Variants in UBE2N observed in about 807,000 individuals in gnomAD.
The protein encoded by UBE2N is ubiquitin-conjugating enzyme E2 N.
For missense variants in UBE2N, 60 were observed against 192.1 expected, an observed-to-expected ratio of 0.31 and a Z score of 4.07; for synonymous variants, 70 against 69.2, an observed-to-expected ratio of 1.01 and a Z score of -0.06.
Position 93,437,360 on chromosome 12 carries a change from T to TA in UBE2N, c.30+4494dup, listed in dbSNP as rs542940758. ...GGCAACAAAGCAGCAGTCTGTCTCT[T>TA]AAAAAAAAAAAAAAGTCAACTTGAA... On this transcript the variant is annotated intron_variant, in intron 1 of 3. Transcript: ENST00000318066. Among the ~76,000 whole-genome samples the TA allele has an allele frequency of 5.5e-3, 718 of 129,628 alleles. 7 individuals carry two copies. Among genetic ancestry groups the TA allele is most frequent in the African/African-American group, 0.012 (419 of 35,220 alleles). 85.0% of individuals were successfully genotyped at this position (129,628 alleles called of 152,430 possible).
At chr12:93,417,633 T>C (rs1878262366) in intron 1 of UBE2N, among the ~76,000 whole-genome samples, 1 of 152,216 alleles carries the variant, frequency 6.6e-6, no homozygotes, top group Non-Finnish European at 1.5e-5. Flanking sequence ...TAATATCAAC[T>C]GTAGATCTTT....
intron 1 of UBE2N, among the ~76,000 whole-genome samples, chr12:93,439,261 T>C (rs961317404): frequency 2.0e-5 from 3 of 151,938 alleles, no homozygotes; most frequent in Non-Finnish European, 2.9e-5. Context: ...CTGAAATGGG[T>C]GGATTGTGTG....
chr12:93,421,207 T>G (rs55833330), intron 1 of UBE2N, among the ~76,000 whole-genome samples: 20,078 of 106,670 alleles, frequency 0.19, 1,660 homozygotes, highest in Middle Eastern at 0.29. Flanking sequence ...CTTTTTTTTT[T>G]GGGGGGGCTG....
chr12:93,439,515 T>C (rs879450848), intron 1 of UBE2N, among the ~76,000 whole-genome samples: 11 of 151,970 alleles, frequency 7.2e-5, no homozygotes, highest in Non-Finnish European at 1.6e-4. Flanking sequence ...AAGTCAAAGA[T>C]CACCCAGAAA....
intron 1 of UBE2N, among the ~76,000 whole-genome samples, chr12:93,412,321 T>G (rs759539062): frequency 6.6e-6 from 1 of 152,194 alleles, no homozygotes; most frequent in Non-Finnish European, 1.5e-5. Flanking sequence ...GTTAGATACT[T>G]CCATCAGTTC....
chr12:93,418,773 T>G (rs968239407), intron 1 of UBE2N, among the ~76,000 whole-genome samples: 7 of 152,194 alleles, frequency 4.6e-5, no homozygotes, highest in African/African-American at 1.7e-4. Context: ...TTTAATATAT[T>G]TTATCTAAAA....
rs1384651300 is a variant in UBE2N, at chr12:93,407,108, A to G, written c.*2931T>C. ...AGTGATCCTCCTGCCTTGGCCTCCT[A>G]AAGTGCTGGGATTACAGGCATGAGC... On this transcript the variant is annotated 3_prime_UTR_variant, in exon 4 of 4. Coordinates refer to ENST00000318066, the MANE Select transcript of UBE2N (RefSeq NM_003348.4). 6 of 152,358 alleles carry G rather than the reference A, an allele frequency of 3.9e-5. No homozygotes were observed. The highest frequency in any genetic ancestry group is 7.3e-5 in the Non-Finnish European group (5 of 68,186). The allele number at this position is 152,358 out of a possible 1,614,324, so 9.4% of individuals were successfully genotyped here.
chr12:93,422,537 T>G (rs1878448615), intron 1 of UBE2N, among the ~76,000 whole-genome samples: 1 of 152,130 alleles, frequency 6.6e-6, no homozygotes, highest in Non-Finnish European at 1.5e-5. Flanking sequence ...TGGGAGTGGG[T>G]ATATAACTTA....
chr12:93,438,267 G>GTTA lies in UBE2N; in HGVS notation c.30+3587_30+3588insTAA, dbSNP rs1878995612. Among the ~76,000 whole-genome samples the GTTA allele has an allele frequency of 3.9e-5, 6 of 152,278 alleles. No homozygotes were observed. In the South Asian group the frequency reaches 1.2e-3, roughly 32 times the overall value. ...ACAGTAAATAACATAACTTCGAACA[G>GTTA]TAATAAGCACTTATACAGAAGAAAG... On this transcript the variant is annotated intron_variant, in intron 1 of 3. Transcript: ENST00000318066.
At chr12:93,438,103 G>C (rs917767147) in intron 1 of UBE2N, among the ~76,000 whole-genome samples, 1 of 152,162 alleles carries the variant, frequency 6.6e-6, no homozygotes, top group African/African-American at 2.4e-5. Context: ...TGAGATTAAG[G>C]CTCATCTATT....
In UBE2N at chr12:93,406,753, T is replaced by A. The variant is rs1456911234; in HGVS notation, c.*3286A>T. ...CATAAGCGGGAGGATTTGTGTAGAT[T>A]GTATGCATATACAACATCATTTTAT... On this transcript the variant is annotated 3_prime_UTR_variant, in exon 4 of 4. Coordinates refer to ENST00000318066, the MANE Select transcript of UBE2N (RefSeq NM_003348.4). 1.3e-5 allele frequency: 2 copies of A among 151,642 alleles called. No individual in the cohort carries two copies. Among genetic ancestry groups the A allele is most frequent in the Admixed American group, 6.6e-5 (1 of 15,246 alleles). 9.4% of individuals were successfully genotyped at this position (151,642 alleles called of 1,614,324 possible).
rs536314612 is a variant in UBE2N at position 93,405,833 on chromosome 12, C to T, written c.*4206G>A. ...GCCAAGTAGCTAAATGAAATATCAT[C>T]CCAGCCCAAAAGTACTTATTCGAAT... is the stretch of plus-strand genomic sequence containing the variant. On this transcript the variant is annotated 3_prime_UTR_variant, in exon 4 of 4. Transcript: ENST00000318066. 1 of 152,150 alleles carries T rather than the reference C, an allele frequency of 6.6e-6. No homozygotes were observed. The allele number at this position is 152,150 out of a possible 1,614,324, so 9.4% of individuals were successfully genotyped here.
intron 1 of UBE2N, among the ~76,000 whole-genome samples, chr12:93,421,685 A>T (rs891310544): frequency 4.6e-5 from 7 of 152,160 alleles, no homozygotes; most frequent in South Asian, 2.1e-4. Flanking sequence ...TTATTAAGAT[A>T]AAAATAGGAA....
At position 93,410,728 on chromosome 12, in the gene UBE2N, A is replaced by T. The variant is rs1878009556; in HGVS notation, c.418+6T>A. The T allele has an allele frequency of 6.2e-7, 1 of 1,613,994 alleles. No homozygotes were observed. The highest frequency in any genetic ancestry group is 8.5e-7 in the Non-Finnish European group (1 of 1,179,960). ...AGTGGTGTGAAGGAGAATGAATATTAGATACCTGTTTCTATGGCTTGGGCT... is the reference window on the plus strand; with the variant it reads ...AGTGGTGTGAAGGAGAATGAATATTTGATACCTGTTTCTATGGCTTGGGCT... On this transcript the variant is annotated splice_donor_region_variant and intron_variant, in intron 3 of 3. Coordinates refer to ENST00000318066, the MANE Select transcript of UBE2N (RefSeq NM_003348.4).
intron 1 of UBE2N, among the ~76,000 whole-genome samples, chr12:93,435,783 T>C (rs1355679733): frequency 6.6e-6 from 1 of 152,224 alleles, no homozygotes; most frequent in Non-Finnish European, 1.5e-5. Context: ...CAAGTCTCAA[T>C]GTAAAATCAG....
At chr12:93,413,693 T>A (rs934223714) in intron 1 of UBE2N, among the ~76,000 whole-genome samples, 13 of 152,182 alleles carry the variant, frequency 8.5e-5, no homozygotes, top group Non-Finnish European at 8.8e-5. Context: ...TGGTTTTTTT[T>A]ATACTTCAAA....
chr12:93,416,816 C>G (rs967032041), intron 1 of UBE2N, among the ~76,000 whole-genome samples: 2 of 146,864 alleles, frequency 1.4e-5, no homozygotes, highest in Admixed American at 6.9e-5. Flanking sequence ...GCTAGGAGTT[C>G]CAGACCAAGC....
At chr12:93,416,686 C>G (rs1234010239) in intron 1 of UBE2N, among the ~76,000 whole-genome samples, 2 of 151,906 alleles carry the variant, frequency 1.3e-5, no homozygotes, top group African/African-American at 4.8e-5. Flanking sequence ...GCGTGAGGCA[C>G]CACGCCCGGC....
At chr12:93,428,988 T>C (rs1355368245) in intron 1 of UBE2N, among the ~76,000 whole-genome samples, 5 of 152,130 alleles carry the variant, frequency 3.3e-5, no homozygotes, top group African/African-American at 9.7e-5. Flanking sequence ...TGAAAAAGTG[T>C]AGGCCAGGCG....
Sources: gnomAD v4.1 joint callset for allele counts (sites outside exome capture counted in the v4.1 genomes callset) on GRCh38, gnomAD v4.1.1 for gene constraint, MANE v1.5 for transcripts, NCBI Gene and HGNC (gene_info 2026-07-23, HGNC 2026-07-21) for gene names.